SLC28A1: variants seen among roughly 807,000 people sequenced by gnomAD.
The protein encoded by SLC28A1 is solute carrier family 28 member 1, also known as sodium/nucleoside cotransporter 1.
Under a neutral mutation model 74.8 loss-of-function variants are expected in SLC28A1, and 64 were observed. That is an observed-to-expected ratio of 0.86 (90% CI 0.70 to 1.05). The LOEUF (loss-of-function observed/expected upper bound fraction) is 1.05, where lower values mean the gene tolerates loss of function less well. Among genes scored for constraint, SLC28A1 ranks in the 50% least tolerant of loss-of-function variants. The pLI, the probability that SLC28A1 is intolerant of heterozygous loss-of-function variation, is 0.00. For missense variants in SLC28A1, 828 were observed against 822.8 expected, an observed-to-expected ratio of 1.01 and a Z score of -0.08; for synonymous variants, 359 against 335.0, an observed-to-expected ratio of 1.07 and a Z score of -0.78.
At chr15:84,946,662 G>A (rs761167406), downstream of SLC28A1, among the ~76,000 whole-genome samples, 9 of 152,112 alleles carry the variant, frequency 5.9e-5, no homozygotes, top group Admixed American at 1.3e-4. Flanking sequence ...GCGATGTGGG[G>A]CCTCTCTGTT....
intron 9 of SLC28A1, among the ~76,000 whole-genome samples, chr15:84,915,353 C>CG (rs1231672550): frequency 6.6e-6 from 1 of 152,180 alleles, no homozygotes; most frequent in African/African-American, 2.4e-5. Context: ...CCCAGCTGCC[C>CG]GGGCAGAATC....
chr15:84,945,478 C>A lies in SLC28A1; in HGVS notation c.*278C>A. Reference sequence around the variant, plus strand: ...TCACTTCTGCCTCCTCCCGTTTCCCCTCCACATCCAAACAGCACCCTGGTC... The same window carrying A: ...TCACTTCTGCCTCCTCCCGTTTCCCATCCACATCCAAACAGCACCCTGGTC... On this transcript the variant is annotated 3_prime_UTR_variant, in exon 19 of 19. Transcript: ENST00000394573. The A allele has an allele frequency of 2.2e-6, 1 of 463,300 alleles. No individual in the cohort carries two copies. The highest frequency in any genetic ancestry group is 4.0e-6 in the Non-Finnish European group (1 of 248,346). The allele number at this position is 463,300 out of a possible 1,614,324, so 28.7% of individuals were successfully genotyped here. A position where few individuals can be genotyped will look rare whatever the true frequency, so the allele number is the denominator to read the frequency against.
At chr15:84,964,012 C>T in the SLC28A1 span, among the ~76,000 whole-genome samples, 1 of 152,122 alleles carries the variant, frequency 6.6e-6, no homozygotes, top group Non-Finnish European at 1.5e-5. Context: ...TCCCTCAGGA[C>T]CCAATGTGGC....
the SLC28A1 span, among the ~76,000 whole-genome samples, chr15:84,960,327 C>T: frequency 1.4e-5 from 2 of 140,990 alleles, no homozygotes; most frequent in African/African-American, 5.3e-5. Flanking sequence ...GCAATCTCAG[C>T]TCACTGCAAC....
the SLC28A1 span, among the ~76,000 whole-genome samples, chr15:84,974,480 C>T: frequency 1.3e-5 from 2 of 152,156 alleles, no homozygotes; most frequent in Non-Finnish European, 2.9e-5. Context: ...AATCAAGTAA[C>T]GATGCTAATG....
chr15:84,896,480 A>G (rs1966010385), intron 6 of SLC28A1, among the ~76,000 whole-genome samples: 1 of 152,210 alleles, frequency 6.6e-6, no homozygotes, highest in South Asian at 2.1e-4. Flanking sequence ...ACCCTTAGAC[A>G]CTGCTGGTGG....
chr15:84,956,422 CTTCT>C, the SLC28A1 span, among the ~76,000 whole-genome samples: 4 of 145,186 alleles, frequency 2.8e-5, no homozygotes, highest in Non-Finnish European at 4.6e-5. Flanking sequence ...TCCTTCCTTC[CTTCT>C]TTCTCTTCCT....
Position 84,887,834 on chromosome 15 carries a change from G to A in SLC28A1, c.74G>A (p.Gly25Glu). 1 of 1,613,770 alleles carries A rather than the reference G, an allele frequency of 6.2e-7. No individual in the cohort carries two copies. The highest frequency in any genetic ancestry group is 8.5e-7 in the Non-Finnish European group (1 of 1,179,666). The change falls in exon 3 of 19, where the codon GGG becomes GAG. Residue 25 changes from glycine (G) to glutamate (E), a missense_variant. Around this residue, in one of 3 missense-constraint regions of SLC28A1, gnomAD observed 767 missense variants for 753.5 expected, o/e 1.02. Transcript: ENST00000394573. ...GTGGCCAAGGGTCTGGAGAACATGG[G>A]GGCTGATTTCTTGGAAAGCCTGGTC... ...TPVAKGLENM[G>E]ADFLESLEEG...
chr15:84,886,922 C>T (rs1394635654), intron 2 of SLC28A1, 135 bp downstream of exon 2: 5 of 327,848 alleles, frequency 1.5e-5, no homozygotes, highest in African/African-American at 2.2e-5. Context: ...ACTGGGCTGG[C>T]ATTTGGATGG....
intron 8 of SLC28A1, among the ~76,000 whole-genome samples, chr15:84,908,308 C>G (rs1000067574): frequency 6.6e-6 from 1 of 151,694 alleles, no homozygotes; most frequent in African/African-American, 2.4e-5. Context: ...CTCAGCCTCC[C>G]AAGTAGCTGG....
At chr15:84,972,432 C>G in the SLC28A1 span, among the ~76,000 whole-genome samples, 1 of 152,100 alleles carries the variant, frequency 6.6e-6, no homozygotes, top group East Asian at 1.9e-4. Flanking sequence ...GATGATATAC[C>G]CATTTCAGAG....
intron 9 of SLC28A1, among the ~76,000 whole-genome samples, chr15:84,915,089 T>C (rs933419876): frequency 6.6e-6 from 1 of 152,098 alleles, no homozygotes; most frequent in African/African-American, 2.4e-5. Context: ...GGACAAGCAG[T>C]CTAGACAGTA....
At chr15:84,922,194 C>A (rs555472221) in intron 11 of SLC28A1, among the ~76,000 whole-genome samples, 57 of 152,308 alleles carry the variant, frequency 3.7e-4, no homozygotes, top group African/African-American at 1.3e-3. Context: ...GCTTTAAACA[C>A]TTTAAATGTC....
rs1011228909 is a variant in SLC28A1, at chr15:84,888,702, G to A, written c.97-70G>A. ...CAGCCAGGGTCTCACCGTGGCCCCC[G>A]ACCCCCAGCTGTAAGTTCCTGGGGG... On this transcript the variant is annotated intron_variant, in intron 3 of 18. Coordinates refer to ENST00000394573, the MANE Select transcript of SLC28A1 (RefSeq NM_004213.5). 10 of 1,114,604 alleles carry A rather than the reference G, an allele frequency of 9.0e-6. 1 individual carries two copies. The highest frequency in any genetic ancestry group is 2.7e-5 in the South Asian group (2 of 75,358). 69.0% of individuals were successfully genotyped at this position (1,114,604 alleles called of 1,614,324 possible). A position where few individuals can be genotyped will look rare whatever the true frequency, so the allele number is the denominator to read the frequency against.
intron 12 of SLC28A1, among the ~76,000 whole-genome samples, chr15:84,925,112 G>A (rs570426471): frequency 6.2e-4 from 85 of 137,328 alleles, no homozygotes; most frequent in African/African-American, 2.3e-3. Flanking sequence ...GTAGAGACAG[G>A]GTTTCACCAT....
the SLC28A1 span, among the ~76,000 whole-genome samples, chr15:84,960,228 C>CTTTTTTTTTTTTTTTTTTTTT: frequency 1.2e-5 from 1 of 85,590 alleles, no homozygotes; most frequent in Non-Finnish European, 2.1e-5. Flanking sequence ...TGCCTGCCTG[C>CTTTTTTTTTTTTTTTTTTTTT]TTTTTTTTTT....
At chr15:84,890,232 G>C (rs551162260) in intron 4 of SLC28A1, among the ~76,000 whole-genome samples, 1 of 152,378 alleles carries the variant, frequency 6.6e-6, no homozygotes, top group South Asian at 2.1e-4. Context: ...AGTGGGGCCT[G>C]TGGGTGCTGC....
Position 84,934,880 on chromosome 15 carries a change from C to T in SLC28A1, c.1215-146C>T, listed in dbSNP as rs74024765. On this transcript the variant is annotated intron_variant, in intron 13 of 18. Transcript: ENST00000394573. ...GATCTTATCCCGGTGCTTTGACCAG[C>T]CCCTTTTTCTCTCTGGGTCTCAGGG... 1,529 of 739,638 alleles carry T rather than the reference C, an allele frequency of 2.1e-3. 17 individuals are homozygous for T. Among genetic ancestry groups the T allele is most frequent in the African/African-American group, 0.018 (1,066 of 57,636 alleles). The allele number at this position is 739,638 out of a possible 1,614,324, so 45.8% of individuals were successfully genotyped here. A position where few individuals can be genotyped will look rare whatever the true frequency, so the allele number is the denominator to read the frequency against.
rs1287669159 is a variant in SLC28A1 at position 84,945,480 on chromosome 15, C to T, written c.*280C>T. ...ACTTCTGCCTCCTCCCGTTTCCCCT[C>T]CACATCCAAACAGCACCCTGGTCCT... On this transcript the variant is annotated 3_prime_UTR_variant, in exon 19 of 19. Coordinates refer to ENST00000394573, the MANE Select transcript of SLC28A1 (RefSeq NM_004213.5). 6.5e-6 allele frequency: 3 copies of T among 460,376 alleles called. No individual in the cohort carries two copies. The highest frequency in any genetic ancestry group is 1.2e-5 in the Non-Finnish European group (3 of 246,588). 28.5% of individuals were successfully genotyped at this position (460,376 alleles called of 1,614,324 possible).
Sources: allele counts gnomAD v4.1 joint callset (sites outside exome capture counted in the v4.1 genomes callset), GRCh38; gene constraint gnomAD v4.1.1; regional missense constraint gnomAD v4.1.1; transcripts MANE v1.5; gene names NCBI Gene and HGNC (gene_info 2026-07-23, HGNC 2026-07-21).